SBF2: variants seen among roughly 807,000 people sequenced by gnomAD.
SBF2 encodes the protein SET binding factor 2, also known as myotubularin-related protein 13.
SBF2 carries 112 observed loss-of-function variants against 225.2 expected under a neutral mutation model. The observed-to-expected ratio is 0.50, with a 90% CI of 0.43 to 0.58. The LOEUF is 0.58. Ranked by LOEUF, SBF2 falls within the 20% of genes least tolerant of loss-of-function variation. The probability of loss-of-function intolerance (pLI) is 0.00; values close to 1 mark genes in which losing one functional copy is unlikely to be tolerated. For missense variants in SBF2, 1,996 were observed against 2,206.2 expected, an observed-to-expected ratio of 0.90 and a Z score of 1.91; for synonymous variants, 763 against 773.3, an observed-to-expected ratio of 0.99 and a Z score of 0.22.
chr11:9,998,236 G>A (rs747750352), intron 9 of SBF2, 30 bp downstream of exon 9: 1 of 1,260,494 alleles, frequency 7.9e-7, no homozygotes, highest in Non-Finnish European at 1.2e-6. Context: ...TAAATAAAGA[G>A]AAAGTTACTA....
chr11:10,199,574 C>A (rs1957502453), intron 1 of SBF2, among the ~76,000 whole-genome samples: 2 of 152,094 alleles, frequency 1.3e-5, no homozygotes, highest in Non-Finnish European at 2.9e-5. Flanking sequence ...AAATAATAAG[C>A]AAAGAACAAT....
intron 1 of SBF2, among the ~76,000 whole-genome samples, chr11:10,195,653 C>G (rs74851910): frequency 0.095 from 14,489 of 152,152 alleles, 942 homozygotes; most frequent in East Asian, 0.28. Flanking sequence ...ACCTAAACTG[C>G]AATCAATTTA....
chr11:10,246,010 A>G (rs968005110), intron 1 of SBF2, among the ~76,000 whole-genome samples: 8 of 152,232 alleles, frequency 5.3e-5, no homozygotes, highest in Non-Finnish European at 1.0e-4. Context: ...GTCAAAGGGT[A>G]TAAAGTTACA....
intron 1 of SBF2, among the ~76,000 whole-genome samples, chr11:10,289,083 C>G (rs535540468): frequency 3.3e-5 from 5 of 152,340 alleles, no homozygotes; most frequent in Admixed American, 1.3e-4. Context: ...CCAGAGGGGG[C>G]TGAGGAGGCA....
At chr11:10,293,030 G>C (rs1219778372) in intron 1 of SBF2, among the ~76,000 whole-genome samples, 1 of 152,176 alleles carries the variant, frequency 6.6e-6, no homozygotes, top group Non-Finnish European at 1.5e-5. Flanking sequence ...GTAACCATCA[G>C]GAAAACACAA....
intron 1 of SBF2, among the ~76,000 whole-genome samples, chr11:10,229,684 C>G (rs1384989409): frequency 1.3e-5 from 2 of 152,086 alleles, no homozygotes; most frequent in Non-Finnish European, 2.9e-5. Context: ...GAGATAGTTT[C>G]TGATAATTTC....
intron 2 of SBF2, among the ~76,000 whole-genome samples, chr11:10,121,711 T>C (rs1412396804): frequency 1.3e-5 from 2 of 152,248 alleles, no homozygotes; most frequent in Admixed American, 6.5e-5. Flanking sequence ...TAAATTACAG[T>C]TGTCCTCTTT....
rs887143579 is a variant in SBF2 at position 10,029,890 on chromosome 11, A to C, written c.403-15T>G. 2 of 1,469,772 alleles carry C rather than the reference A, an allele frequency of 1.4e-6. No individual in the cohort carries two copies. Among genetic ancestry groups the C allele is most frequent in the Middle Eastern group, 1.7e-4 (1 of 5,752 alleles). 91.0% of individuals were successfully genotyped at this position (1,469,772 alleles called of 1,614,324 possible). The stretch of plus-strand genomic sequence containing the variant: ...CCCAGGCAAGCCTGCAAAAAGATAA[A>C]TACATGTAATTATTTCATGGAAAAA... On this transcript the variant is annotated splice_polypyrimidine_tract_variant and intron_variant, in intron 4 of 39. Coordinates refer to ENST00000256190, the MANE Select transcript of SBF2 (RefSeq NM_030962.4).
At chr11:10,002,820 T>A in intron 6 of SBF2, 131 bp from the exon 7 acceptor site, 1 of 822,098 alleles carries the variant, frequency 1.2e-6, no homozygotes, top group Non-Finnish European at 2.0e-6. Flanking sequence ...TTGGTTAAAC[T>A]GTAAATTCCA....
chr11:9,869,524 G>C (rs1372550335), intron 17 of SBF2, among the ~76,000 whole-genome samples: 1 of 152,052 alleles, frequency 6.6e-6, no homozygotes, highest in Non-Finnish European at 1.5e-5. Flanking sequence ...TCGCCATGTT[G>C]GCCAGGCTAG....
intron 2 of SBF2, among the ~76,000 whole-genome samples, chr11:10,157,728 C>T (rs1955540804): frequency 6.6e-6 from 1 of 152,126 alleles, no homozygotes; most frequent in African/African-American, 2.4e-5. Context: ...ATGTAATGCA[C>T]TTAAATCATC....
chr11:9,842,115 A>C (rs9645623), intron 25 of SBF2, among the ~76,000 whole-genome samples: 67,934 of 151,990 alleles, frequency 0.45, 17,323 homozygotes, highest in Non-Finnish European at 0.58. Flanking sequence ...TTCTGCCTCT[A>C]TTTTTCCCAC....
intron 1 of SBF2, among the ~76,000 whole-genome samples, chr11:10,199,116 C>A (rs1957484435): frequency 6.6e-6 from 1 of 152,126 alleles, no homozygotes; most frequent in South Asian, 2.1e-4. Context: ...AAGTGAGAGA[C>A]ATGCAATTCT....
Position 9,870,418 on chromosome 11 carries a change from C to T in SBF2, c.1930-12022G>A, listed in dbSNP as rs569957566. Among the ~76,000 whole-genome samples, 141 of 152,198 alleles carry T rather than the reference C, an allele frequency of 9.3e-4. 2 individuals are homozygous for T. Among genetic ancestry groups the T allele is most frequent in the South Asian group, 2.3e-3 (11 of 4,826 alleles). ...CTAAGATGATACTAAGCAAAAAGAA[C>T]AAAGATGGAGGCATCATGCTACCTG... On this transcript the variant is annotated intron_variant, in intron 17 of 39. Coordinates refer to ENST00000256190, the MANE Select transcript of SBF2 (RefSeq NM_030962.4).
rs1026111696 is a variant in SBF2, at chr11:10,134,141, G to A, written c.141+59761C>T. Among the ~76,000 whole-genome samples, 8 of 152,176 alleles carry A rather than the reference G, an allele frequency of 5.3e-5. 1 individual carries two copies. The Middle Eastern group carries it at 0.01, about 194-fold the overall frequency. On this transcript the variant is annotated intron_variant, in intron 2 of 39. Coordinates refer to ENST00000256190, the MANE Select transcript of SBF2 (RefSeq NM_030962.4). ...AGGTGAAAGGCATATCTCACATGGC[G>A]GCAGACAAGAGAAGAGAACATATAT...
rs564075115 is a variant in SBF2 at position 10,243,109 on chromosome 11, G to C, written c.56-49122C>G. Among the ~76,000 whole-genome samples, 13 of 152,038 alleles carry C rather than the reference G, an allele frequency of 8.6e-5. 1 individual carries two copies. In the South Asian group the frequency reaches 2.7e-3, roughly 32 times the overall value. On this transcript the variant is annotated intron_variant, in intron 1 of 39. Coordinates refer to ENST00000256190, the MANE Select transcript of SBF2 (RefSeq NM_030962.4). ...AGAAAACAAGTCCTAACAAATATAA[G>C]AAGTTTGAAATAATTCCAAGTATCT...
chr11:9,945,669 G>GA (rs1865520307), intron 16 of SBF2, among the ~76,000 whole-genome samples: 1 of 151,962 alleles, frequency 6.6e-6, no homozygotes, highest in Non-Finnish European at 1.5e-5. Flanking sequence ...TAAAGAATGG[G>GA]AAAAAATATT....
Position 9,784,237 on chromosome 11 carries a change from AC to A in SBF2, c.5319+113del, listed in dbSNP as rs10709701. The A allele has an allele frequency of 0.022, 18,157 of 811,930 alleles. 992 individuals carry two copies. The highest frequency in any genetic ancestry group is 0.17 in the African/African-American group (10,238 of 59,652). The allele number at this position is 811,930 out of a possible 1,614,324, so 50.3% of individuals were successfully genotyped here. On this transcript the variant is annotated intron_variant, in intron 38 of 39. Coordinates refer to ENST00000256190, the MANE Select transcript of SBF2 (RefSeq NM_030962.4). ...AGCCTCCAGACTACATATGAGAGGC[AC>A]TAAAAAAGCAGTCTGTACATGAGGA...
At chr11:10,276,602 G>C (rs532045347) in intron 1 of SBF2, among the ~76,000 whole-genome samples, 3 of 152,250 alleles carry the variant, frequency 2.0e-5, no homozygotes, top group African/African-American at 7.2e-5. Flanking sequence ...CAGAAAACTG[G>C]GTTCAAGTTT....
Sources: allele counts gnomAD v4.1 joint callset (sites outside exome capture counted in the v4.1 genomes callset), GRCh38; gene constraint gnomAD v4.1.1; transcripts MANE v1.5; gene names NCBI Gene and HGNC (gene_info 2026-07-23, HGNC 2026-07-21).